Variants in NTM observed in about 807,000 individuals in gnomAD.
NTM encodes neurotrimin.
In NTM, 13 loss-of-function variants were observed where a neutral mutation model predicts 42.1. The ratio of observed to expected loss-of-function variants is 0.31; its 90% CI spans 0.20 to 0.49. The LOEUF is 0.49. NTM is among the 20% of genes least tolerant of loss of function. The pLI is 0.99. For missense variants in NTM, 373 were observed against 452.8 expected (o/e 0.82, Z 1.60); for synonymous variants, 187 against 179.2 (o/e 1.04, Z -0.35).
At chr11:132,133,031 G>C (rs547999499) in intron 2 of NTM, among the ~76,000 whole-genome samples, 2 of 152,330 alleles carry the variant, frequency 1.3e-5, no homozygotes, top group South Asian at 4.1e-4. Context: ...AAAGAATCAG[G>C]AGATGCTCGC....
At chr11:131,550,079 G>A (rs1234550980) in intron 1 of NTM, among the ~76,000 whole-genome samples, 2 of 152,184 alleles carry the variant, frequency 1.3e-5, no homozygotes, top group African/African-American at 2.4e-5. Context: ...TGAGAATCAA[G>A]GATCTGTACT....
Position 131,408,788 on chromosome 11 carries a change from C to T in NTM, c.82+37900C>T, listed in dbSNP as rs1172508696. On this transcript the variant is annotated intron_variant, in intron 1 of 8. Coordinates refer to ENST00000683400, the MANE Select transcript of NTM (RefSeq NM_001352005.2). ...CACTCCTGCCCTGCAGACATCACAT[C>T]GGCACTCAGATCATCTGCAAAACTT... is the stretch of plus-strand genomic sequence containing the variant. Among the ~76,000 whole-genome samples, 3 of 152,312 alleles carry T rather than the reference C, an allele frequency of 2.0e-5. No individual in the cohort carries two copies. The South Asian group carries it at 6.2e-4, about 32-fold the overall frequency.
chr11:131,728,736 C>T (rs1022824097), intron 1 of NTM, among the ~76,000 whole-genome samples: 7 of 151,402 alleles, frequency 4.6e-5, no homozygotes, highest in African/African-American at 1.7e-4. Flanking sequence ...TCGTGATCAA[C>T]TTAACCTTGA....
rs550498604 is a variant in NTM at position 132,002,080 on chromosome 11, G to T, written c.167+90432G>T. ...CAGTTAATGAATTAGGCTCACAGGG[G>T]TGGAGAGTTGATGCTGTCCATGGCA... On this transcript the variant is annotated intron_variant, in intron 2 of 8. Transcript: ENST00000683400. The surrounding 1 kb of genome is among the most constrained non-coding windows in gnomAD (Gnocchi z 4.5). Among the ~76,000 whole-genome samples, 1 of 152,176 alleles carries T rather than the reference G, an allele frequency of 6.6e-6. No homozygotes were observed. The highest frequency in any genetic ancestry group is 1.5e-5 in the Non-Finnish European group (1 of 68,028).
At chr11:132,088,072 C>T (rs144863288) in intron 2 of NTM, among the ~76,000 whole-genome samples, 41 of 152,318 alleles carry the variant, frequency 2.7e-4, no homozygotes, top group African/African-American at 9.6e-4. Flanking sequence ...GGAGCCACCA[C>T]TCACCCGTAT....
intron 2 of NTM, among the ~76,000 whole-genome samples, chr11:132,001,776 GCA>G (rs35551724): frequency 0.031 from 4,542 of 146,852 alleles, 196 homozygotes; most frequent in African/African-American, 0.11. Flanking sequence ...ACACAGACAG[GCA>G]CACACACACA....
chr11:132,255,485 G>A (rs1157416106), intron 4 of NTM, among the ~76,000 whole-genome samples: 1 of 152,176 alleles, frequency 6.6e-6, no homozygotes, highest in East Asian at 1.9e-4. Context: ...TGGGCTCCCA[G>A]GTGGTTAATG....
At chr11:131,590,431 C>G (rs1284247919) in intron 1 of NTM, among the ~76,000 whole-genome samples, 2 of 152,164 alleles carry the variant, frequency 1.3e-5, no homozygotes, top group African/African-American at 4.8e-5. Flanking sequence ...GTAACAGCCT[C>G]AGAGTTTAAG....
At chr11:132,025,316 C>T (rs1449067662) in intron 2 of NTM, among the ~76,000 whole-genome samples, 1 of 152,178 alleles carries the variant, frequency 6.6e-6, no homozygotes, top group Non-Finnish European at 1.5e-5. Context: ...GTCTGTTCTA[C>T]ATTTTAGCAG....
chr11:132,015,967 A>T (rs1593748673), intron 2 of NTM, among the ~76,000 whole-genome samples: 1 of 151,890 alleles, frequency 6.6e-6, no homozygotes, highest in Non-Finnish European at 1.5e-5. Flanking sequence ...GAATAGGAGT[A>T]GTGAAAGTGG....
At chr11:131,863,939 G>T (rs965842857) in intron 1 of NTM, among the ~76,000 whole-genome samples, 1 of 152,172 alleles carries the variant, frequency 6.6e-6, no homozygotes, top group Non-Finnish European at 1.5e-5. Flanking sequence ...TCAAGTTTCA[G>T]ATAAACCAGA....
At chr11:132,169,386 A>C (rs1253006419) in intron 3 of NTM, among the ~76,000 whole-genome samples, 8 of 110,254 alleles carry the variant, frequency 7.3e-5, no homozygotes, top group Non-Finnish European at 3.3e-5. Context: ...CCCAGGCTGG[A>C]GTGCAGTGGC....
In NTM at chr11:131,758,918, C is replaced by T. The variant is rs111682388; in HGVS notation, c.83-152646C>T. The stretch of plus-strand genomic sequence containing the variant: ...TCTGCATATTTTCTTAAAGCCTGTA[C>T]CGGCCTAGATGATTCATCAAAGAAG... On this transcript the variant is annotated intron_variant, in intron 1 of 8. Coordinates refer to ENST00000683400, the MANE Select transcript of NTM (RefSeq NM_001352005.2). Among the ~76,000 whole-genome samples the T allele has an allele frequency of 4.2e-3, 639 of 152,196 alleles. 7 individuals are homozygous for T. Among genetic ancestry groups the T allele is most frequent in the African/African-American group, 0.015 (619 of 41,530 alleles).
chr11:132,102,298 G>A (rs1482835722), intron 2 of NTM, among the ~76,000 whole-genome samples: 1 of 152,140 alleles, frequency 6.6e-6, no homozygotes, highest in Non-Finnish European at 1.5e-5. Context: ...AAGGGGACAG[G>A]GGCTACGTGG....
intron 1 of NTM, among the ~76,000 whole-genome samples, chr11:131,520,025 T>G (rs887206887): frequency 6.6e-6 from 1 of 152,036 alleles, no homozygotes; most frequent in Non-Finnish European, 1.5e-5. Context: ...CTTTCAGGTC[T>G]TCATAGGAGG....
rs571359440 is a variant in NTM at position 131,694,971 on chromosome 11, C to G, written c.83-216593C>G. ...GGAGGAGCCCCAGCAGAGGGGCAGTCGGAGAGCCATGAAATTGCGACCTGC... is the reference window on the plus strand; with the variant it reads ...GGAGGAGCCCCAGCAGAGGGGCAGTGGGAGAGCCATGAAATTGCGACCTGC... On this transcript the variant is annotated intron_variant, in intron 1 of 8. Coordinates refer to ENST00000683400, the MANE Select transcript of NTM (RefSeq NM_001352005.2). Among the ~76,000 whole-genome samples, 716 of 152,172 alleles carry G rather than the reference C, an allele frequency of 4.7e-3. 2 individuals carry two copies. Among genetic ancestry groups the G allele is most frequent in the South Asian group, 9.6e-3 (46 of 4,814 alleles).
chr11:131,513,880 CT>C (rs912715854), intron 1 of NTM, among the ~76,000 whole-genome samples: 3 of 152,072 alleles, frequency 2.0e-5, no homozygotes, highest in Non-Finnish European at 2.9e-5. Context: ...TGGGAAGTGG[CT>C]TTCCAGGGTC....
At chr11:132,174,902 C>T (rs1273656130) in intron 3 of NTM, among the ~76,000 whole-genome samples, 2 of 152,012 alleles carry the variant, frequency 1.3e-5, no homozygotes, top group Non-Finnish European at 2.9e-5. Context: ...GAGTGTGGAG[C>T]AGAATTCATC....
At chr11:131,821,374 C>T (rs766749476) in intron 1 of NTM, among the ~76,000 whole-genome samples, 4 of 152,182 alleles carry the variant, frequency 2.6e-5, no homozygotes, top group Non-Finnish European at 5.9e-5. Context: ...GTGAAAAGTA[C>T]TGTGTGATCA....
Sources: gnomAD v4.1 joint callset for allele counts (sites outside exome capture counted in the v4.1 genomes callset) on GRCh38, gnomAD v4.1.1 for gene constraint, Gnocchi (gnomAD v3.1) non-coding constraint, MANE v1.5 for transcripts, NCBI Gene and HGNC (gene_info 2026-07-23, HGNC 2026-07-21) for gene names.